ASTN1: variants seen among roughly 807,000 people sequenced by gnomAD.
The protein encoded by ASTN1 is astrotactin-1.
In ASTN1, 41 loss-of-function variants were observed where a neutral mutation model predicts 140.7. That is an observed-to-expected ratio of 0.29 (90% CI 0.23 to 0.38). The LOEUF (loss-of-function observed/expected upper bound fraction) is 0.38. ASTN1 is among the 10% of genes least tolerant of loss of function. The pLI is 1.00. For synonymous variants in ASTN1, 640 were observed against 652.2 expected (o/e 0.98, Z 0.29); for missense variants, 1,479 against 1,678.8 (o/e 0.88, Z 2.08).
intron 21 of ASTN1, among the ~76,000 whole-genome samples, chr1:176,869,246 A>G (rs1351456745): frequency 6.6e-6 from 1 of 152,032 alleles, no homozygotes; most frequent in Non-Finnish European, 1.5e-5. Context: ...ATGCATGTTT[A>G]CTTATGTGTG....
At chr1:176,921,505 G>T (rs1052933889) in intron 16 of ASTN1, among the ~76,000 whole-genome samples, 1 of 152,128 alleles carries the variant, frequency 6.6e-6, no homozygotes, top group Non-Finnish European at 1.5e-5. Context: ...TACTCACTTT[G>T]TAAAAGAAAG....
intron 1 of ASTN1, among the ~76,000 whole-genome samples, chr1:177,102,963 T>C (rs1680370835): frequency 6.6e-6 from 1 of 152,206 alleles, no homozygotes; most frequent in African/African-American, 2.4e-5. Context: ...CCATAATGGC[T>C]GCTACTAGAA....
intron 1 of ASTN1, among the ~76,000 whole-genome samples, chr1:177,112,101 T>C (rs144937589): frequency 6.6e-6 from 1 of 152,320 alleles, no homozygotes; most frequent in East Asian, 1.9e-4. Context: ...CCCTCCTCTA[T>C]ATGTGCAATC....
chr1:177,156,628 A>T (rs1683252153), intron 1 of ASTN1, among the ~76,000 whole-genome samples: 1 of 152,240 alleles, frequency 6.6e-6, no homozygotes, highest in African/African-American at 2.4e-5. Context: ...TATATAGCAT[A>T]ATTCAAAATA....
intron 8 of ASTN1, among the ~76,000 whole-genome samples, chr1:176,988,274 C>A (rs1182776887): frequency 2.8e-5 from 4 of 142,078 alleles, no homozygotes; most frequent in Non-Finnish European, 6.0e-5. Context: ...AAGGACCCTG[C>A]CAAAACTCCA....
At chr1:177,028,831 T>C (rs1338391389) in intron 5 of ASTN1, among the ~76,000 whole-genome samples, 2 of 152,252 alleles carry the variant, frequency 1.3e-5, no homozygotes, top group Non-Finnish European at 2.9e-5. Flanking sequence ...TTAACTCATT[T>C]GACATGTGAG....
rs76042339 is a variant in ASTN1 at position 176,889,460 on chromosome 1, A to C, written c.2941-1256T>G. Among the ~76,000 whole-genome samples the C allele has an allele frequency of 6.0e-3, 919 of 152,352 alleles. 8 individuals carry two copies. Among genetic ancestry groups the C allele is most frequent in the African/African-American group, 0.021 (869 of 41,582 alleles). On this transcript the variant is annotated intron_variant, in intron 17 of 22. Coordinates refer to ENST00000361833, the MANE Select transcript of ASTN1 (RefSeq NM_004319.3). Reference sequence around the variant, plus strand: ...GGCTATCCTTGAAAATTTTAGACCAAAGAATTCAAAAGAAAAAAGAAAAAA... The same window carrying C: ...GGCTATCCTTGAAAATTTTAGACCACAGAATTCAAAAGAAAAAAGAAAAAA...
intron 5 of ASTN1, among the ~76,000 whole-genome samples, chr1:177,028,281 C>T (rs973756951): frequency 1.3e-5 from 2 of 152,110 alleles, no homozygotes; most frequent in Admixed American, 1.3e-4. Flanking sequence ...GGTTGGGTAT[C>T]CACTGTCTAA....
Position 176,922,556 on chromosome 1 carries a change from CAAAAAAAAAAAA to C in ASTN1, c.2671+11584_2671+11595del, listed in dbSNP as rs71129589. Among the ~76,000 whole-genome samples, 40 of 77,614 alleles carry C rather than the reference CAAAAAAAAAAAA, an allele frequency of 5.2e-4. 2 individuals carry two copies. Among genetic ancestry groups the C allele is most frequent in the Middle Eastern group, 7.5e-3 (1 of 134 alleles). The allele number at this position is 77,614 out of a possible 152,430, so 50.9% of individuals were successfully genotyped here. A position where few individuals can be genotyped will look rare whatever the true frequency, so the allele number is the denominator to read the frequency against. ...ACAGTGTCCACTCCAGCCCCCACTG[CAAAAAAAAAAAA>C]AAAAAAAAAAAAATTCTCACATGGG... On this transcript the variant is annotated intron_variant, in intron 16 of 22. Transcript: ENST00000361833.
At chr1:176,888,832 T>TC (rs1669148643) in intron 17 of ASTN1, among the ~76,000 whole-genome samples, 1 of 152,210 alleles carries the variant, frequency 6.6e-6, no homozygotes, top group Non-Finnish European at 1.5e-5. Flanking sequence ...GCTTTGCCAA[T>TC]CACTGCCATG....
chr1:177,060,575 A>G (rs1313511808), intron 2 of ASTN1, among the ~76,000 whole-genome samples: 1 of 152,142 alleles, frequency 6.6e-6, no homozygotes, highest in African/African-American at 2.4e-5. Context: ...CAGAGGTGCA[A>G]TCTCGGCTCA....
intron 1 of ASTN1, among the ~76,000 whole-genome samples, chr1:177,086,042 A>G (rs571471807): frequency 2.0e-5 from 3 of 152,270 alleles, no homozygotes; most frequent in South Asian, 2.1e-4. Context: ...TGCAGAGCCC[A>G]TTTTATGTTC....
intron 1 of ASTN1, among the ~76,000 whole-genome samples, chr1:177,157,056 T>C (rs376358538): frequency 6.6e-6 from 1 of 152,202 alleles, no homozygotes; most frequent in South Asian, 2.1e-4. Flanking sequence ...GATGACTAAG[T>C]GTACTGTGGT....
chr1:177,156,383 AG>A (rs1043119027), intron 1 of ASTN1, among the ~76,000 whole-genome samples: 3 of 151,982 alleles, frequency 2.0e-5, no homozygotes, highest in Admixed American at 6.5e-5. Context: ...TTGTAGTGAC[AG>A]GAAGTAAAAA....
At chr1:177,123,864 G>A (rs771510850) in intron 1 of ASTN1, among the ~76,000 whole-genome samples, 6 of 152,184 alleles carry the variant, frequency 3.9e-5, no homozygotes, top group South Asian at 2.1e-4. Context: ...GCAGGAAGCC[G>A]AATTCAGTGG....
intron 22 of ASTN1, 87 bp from the exon 23 acceptor site, chr1:176,864,608 T>C: frequency 6.5e-7 from 1 of 1,534,516 alleles, no homozygotes; most frequent in Non-Finnish European, 8.8e-7. Context: ...GACTCTAAAC[T>C]TCAAGAGGGA....
At chr1:177,049,954 G>A (rs757390460) in intron 2 of ASTN1, among the ~76,000 whole-genome samples, 5 of 152,166 alleles carry the variant, frequency 3.3e-5, no homozygotes, top group Non-Finnish European at 7.3e-5. Flanking sequence ...GATAATGACT[G>A]GGATGTATAC....
intron 1 of ASTN1, among the ~76,000 whole-genome samples, chr1:177,156,232 T>G (rs1458572793): frequency 6.8e-6 from 1 of 148,120 alleles, no homozygotes; most frequent in Admixed American, 6.8e-5. Context: ...ATTGCACCAC[T>G]GCACTCCAGC....
intron 1 of ASTN1, among the ~76,000 whole-genome samples, chr1:177,162,343 T>C (rs987968952): frequency 6.6e-6 from 1 of 152,194 alleles, no homozygotes; most frequent in Non-Finnish European, 1.5e-5. Context: ...CATACCCCAC[T>C]GACTGGGAGA....
Sources: gnomAD v4.1 joint callset for allele counts (sites outside exome capture counted in the v4.1 genomes callset) on GRCh38, gnomAD v4.1.1 for gene constraint, MANE v1.5 for transcripts, NCBI Gene and HGNC (gene_info 2026-07-23, HGNC 2026-07-21) for gene names.